The following ADAMTS20 variants were observed in gnomAD, a reference collection of about 807,000 sequenced individuals.
The protein encoded by ADAMTS20 is ADAM metallopeptidase with thrombospondin type 1 motif 20, also known as A disintegrin and metalloproteinase with thrombospondin motifs 20.
In ADAMTS20, 225 loss-of-function variants were observed where a neutral mutation model predicts 260.1. The observed-to-expected ratio is 0.87, with a 90% CI of 0.78 to 0.97. ADAMTS20 has a LOEUF of 0.97. ADAMTS20 is among the 50% of genes least tolerant of loss of function. The pLI is 0.00. For synonymous variants in ADAMTS20, 802 were observed against 769.5 expected, an observed-to-expected ratio of 1.04 and a Z score of -0.70; for missense variants, 2,400 against 2,337.7, an observed-to-expected ratio of 1.03 and a Z score of -0.55.
At chr12:43,460,988 A>ATATATATATATATAGAT in intron 11 of ADAMTS20, among the ~76,000 whole-genome samples, 1 of 26,396 alleles carries the variant, frequency 3.8e-5, no homozygotes, top group Non-Finnish European at 6.7e-5. Context: ...ATATATATAT[A>ATATATATATATATAGAT]TTTTTTTTTT....
intron 24 of ADAMTS20, among the ~76,000 whole-genome samples, chr12:43,429,199 A>T (rs557844555): frequency 1.8e-4 from 28 of 152,180 alleles, no homozygotes; most frequent in Non-Finnish European, 4.0e-4. Context: ...TATTCAGAGA[A>T]TATATGAAGC....
chr12:43,419,604 T>C (rs527687984), intron 28 of ADAMTS20, among the ~76,000 whole-genome samples: 8 of 152,252 alleles, frequency 5.3e-5, no homozygotes, highest in Middle Eastern at 3.4e-3. Context: ...CATGGAAACA[T>C]GGACACTTTC....
intron 12 of ADAMTS20, 30 bp downstream of exon 12, chr12:43,453,877 T>C: frequency 6.4e-7 from 1 of 1,563,450 alleles, no homozygotes. Context: ...TGAGATAATC[T>C]TAATTTATAG....
At chr12:43,485,315 C>A (rs1942506925) in intron 7 of ADAMTS20, among the ~76,000 whole-genome samples, 1 of 151,990 alleles carries the variant, frequency 6.6e-6, no homozygotes, top group Non-Finnish European at 1.5e-5. Flanking sequence ...CAATTAAAAA[C>A]AAGAACTATA....
At chr12:43,481,209 G>T (rs754451715) in intron 7 of ADAMTS20, among the ~76,000 whole-genome samples, 6 of 152,110 alleles carry the variant, frequency 3.9e-5, no homozygotes, top group Non-Finnish European at 8.8e-5. Context: ...TGAGCAGTAG[G>T]ATATAAATAA....
At chr12:43,381,881 A>T (rs867541799) in intron 31 of ADAMTS20, among the ~76,000 whole-genome samples, 3 of 152,046 alleles carry the variant, frequency 2.0e-5, no homozygotes, top group Non-Finnish European at 2.9e-5. Flanking sequence ...GATACTCAAC[A>T]TCATTAGTCA....
At chr12:43,440,496 A>G (rs1005943557) in intron 16 of ADAMTS20, among the ~76,000 whole-genome samples, 3 of 152,242 alleles carry the variant, frequency 2.0e-5, no homozygotes, top group Admixed American at 1.3e-4. Context: ...AAAGAATGCA[A>G]AAGTAAATTT....
intron 28 of ADAMTS20, among the ~76,000 whole-genome samples, chr12:43,417,332 A>G (rs997461124): frequency 4.6e-5 from 7 of 152,246 alleles, no homozygotes; most frequent in Admixed American, 6.5e-5. Context: ...CTGAACTATC[A>G]AAAACTTTGC....
At chr12:43,400,182 A>G (rs1940781727) in intron 28 of ADAMTS20, among the ~76,000 whole-genome samples, 1 of 152,014 alleles carries the variant, frequency 6.6e-6, no homozygotes, top group African/African-American at 2.4e-5. Context: ...GGATATTGAC[A>G]ATTTCAGCAT....
chr12:43,544,289 T>C (rs905424341), intron 2 of ADAMTS20, among the ~76,000 whole-genome samples: 3 of 152,222 alleles, frequency 2.0e-5, no homozygotes, highest in African/African-American at 7.2e-5. Flanking sequence ...ATTGGTAAAG[T>C]AATTTTCCTG....
At chr12:43,434,149 T>C (rs951892991) in intron 19 of ADAMTS20, 96 bp downstream of exon 19, 2 of 1,290,398 alleles carry the variant, frequency 1.5e-6, no homozygotes, top group African/African-American at 3.0e-5. Context: ...TGATGAGTAA[T>C]AATTGCATGT....
chr12:43,355,705 A>G (rs1234965168), intron 38 of ADAMTS20, among the ~76,000 whole-genome samples: 23 of 152,146 alleles, frequency 1.5e-4, no homozygotes. Context: ...ATCCAGATTT[A>G]CTATGAGCAG....
intron 29 of ADAMTS20, among the ~76,000 whole-genome samples, chr12:43,398,522 T>A (rs1309712116): frequency 6.6e-6 from 1 of 152,168 alleles, no homozygotes; most frequent in Non-Finnish European, 1.5e-5. Context: ...TACAATCCCA[T>A]CTGGAATTTA....
At chr12:43,418,834 C>G (rs1394985960) in intron 28 of ADAMTS20, among the ~76,000 whole-genome samples, 1 of 152,070 alleles carries the variant, frequency 6.6e-6, no homozygotes, top group Non-Finnish European at 1.5e-5. Flanking sequence ...ATTTGTGAAG[C>G]AAATTTCAAT....
chr12:43,428,351 A>C lies in ADAMTS20; in HGVS notation c.3835T>G (p.Tyr1279Asp). The C allele has an allele frequency of 6.2e-7, 1 of 1,613,936 alleles. No individual in the cohort carries two copies. ...AATGGCAAATTCGTGCTTAGATAAT[A>C]GCTTGGCTGCACAGGGGAACTAGGA... ...HFPSSPVQPSYYLSTNLPLTQ... is the reference protein window; with the variant it reads ...HFPSSPVQPSDYLSTNLPLTQ... The change falls in exon 26 of 39, where the codon TAT becomes GAT. Residue 1279 changes from tyrosine (Y) to aspartate (D), a missense_variant. Physicochemically the swap from Tyr to Asp is radical, Grantham distance 160. Transcript: ENST00000389420.
chr12:43,421,300 T>C (rs1347021577), intron 28 of ADAMTS20, among the ~76,000 whole-genome samples: 1 of 93,452 alleles, frequency 1.1e-5, no homozygotes, highest in South Asian at 3.9e-4. Context: ...AAAAAAAAAC[T>C]TTCTCTTTTT....
At chr12:43,376,691 T>A (rs757150538) in intron 32 of ADAMTS20, 38 bp from the exon 33 acceptor site, 27 of 1,582,536 alleles carry the variant, frequency 1.7e-5, no homozygotes, top group Non-Finnish European at 2.3e-5. Context: ...AACTATATTA[T>A]GAATCTTAAG....
intron 36 of ADAMTS20, among the ~76,000 whole-genome samples, chr12:43,369,724 G>GA (rs1457119037): frequency 6.6e-6 from 1 of 151,784 alleles, no homozygotes; most frequent in Non-Finnish European, 1.5e-5. Flanking sequence ...AATCACTGGA[G>GA]AAAAAAGGGT....
intron 21 of ADAMTS20, 44 bp from the exon 22 acceptor site, chr12:43,431,540 A>G: frequency 5.0e-6 from 8 of 1,596,316 alleles, no homozygotes; most frequent in Non-Finnish European, 6.9e-6. Flanking sequence ...AGCATTAGTC[A>G]ACACAAATGC....
Sources: gnomAD v4.1 joint callset for allele counts (sites outside exome capture counted in the v4.1 genomes callset) on GRCh38, gnomAD v4.1.1 for gene constraint, MANE v1.5 for transcripts, NCBI Gene and HGNC (gene_info 2026-07-23, HGNC 2026-07-21) for gene names.